SNX3: variants seen among roughly 807,000 people sequenced by gnomAD.
SNX3 encodes sorting nexin-3.
A neutral mutation model predicts 17.7 loss-of-function variants in SNX3; 5 were observed. The observed-to-expected ratio is 0.28, with a 90% CI of 0.15 to 0.59. The LOEUF is 0.59. Ranked by LOEUF, SNX3 falls within the 20% of genes least tolerant of loss-of-function variation. The pLI is 0.88. For synonymous variants in SNX3, 91 were observed against 76.5 expected, an observed-to-expected ratio of 1.19 and a Z score of -0.99; for missense variants, 132 against 206.8, an observed-to-expected ratio of 0.64 and a Z score of 2.22.
In SNX3 at chr6:108,260,966, C is replaced by A. The variant is rs1281292904; in HGVS notation, c.-45G>T. The stretch of plus-strand genomic sequence containing the variant: ...CCGCCGCGGGCTCCCTCCGCCCCCT[C>A]CGCGTTCAGCCGCCGCCGCCGCCGC... On this transcript the variant is annotated 5_prime_UTR_variant, in exon 1 of 4. Coordinates refer to ENST00000230085, the MANE Select transcript of SNX3 (RefSeq NM_003795.6). The A allele has an allele frequency of 1.4e-6, 2 of 1,451,596 alleles. No homozygotes were observed. The highest frequency in any genetic ancestry group is 1.8e-6 in the Non-Finnish European group (2 of 1,107,968). The allele number at this position is 1,451,596 out of a possible 1,614,324, so 89.9% of individuals were successfully genotyped here.
chr6:108,231,281 T>G (rs1225221278), intron 1 of SNX3, among the ~76,000 whole-genome samples: 1 of 152,154 alleles, frequency 6.6e-6, no homozygotes, highest in African/African-American at 2.4e-5. Context: ...GAGACGGGGT[T>G]TCACCATGTT....
At chr6:108,215,937 T>C (rs531206786) in intron 2 of SNX3, among the ~76,000 whole-genome samples, 3 of 151,916 alleles carry the variant, frequency 2.0e-5, no homozygotes, top group African/African-American at 7.3e-5. Context: ...AAAAAAAAAA[T>C]AAATTTTTAA....
At chr6:108,242,601 AC>A (rs1016002685) in intron 1 of SNX3, among the ~76,000 whole-genome samples, 9 of 152,112 alleles carry the variant, frequency 5.9e-5, no homozygotes, top group African/African-American at 1.9e-4. Context: ...TAAAATTGCC[AC>A]CCCTTGGCAT....
intron 1 of SNX3, among the ~76,000 whole-genome samples, chr6:108,239,007 T>G (rs540475714): frequency 1.3e-5 from 2 of 151,944 alleles, no homozygotes; most frequent in Non-Finnish European, 2.9e-5. Context: ...TTCAAGCGAT[T>G]TTCCTATGTC....
chr6:108,225,081 G>C (rs1562423830), intron 1 of SNX3, among the ~76,000 whole-genome samples: 1 of 152,096 alleles, frequency 6.6e-6, no homozygotes, highest in East Asian at 1.9e-4. Context: ...AGGAGATCGA[G>C]ACCATCCTGG....
intron 1 of SNX3, among the ~76,000 whole-genome samples, chr6:108,255,789 A>G (rs1022898230): frequency 3.3e-5 from 5 of 152,248 alleles, no homozygotes; most frequent in South Asian, 4.1e-4. Context: ...TTAAGATTAG[A>G]TGACTGACCC....
At chr6:108,214,964 T>C (rs1774520436) in intron 2 of SNX3, among the ~76,000 whole-genome samples, 1 of 152,222 alleles carries the variant, frequency 6.6e-6, no homozygotes, top group Admixed American at 6.5e-5. Context: ...GAGAAGGCAA[T>C]GCCTTATTGC....
At position 108,222,994 on chromosome 6, in the gene SNX3, T is replaced by C; in HGVS notation, c.214A>G (p.Ser72Gly). Residue 72 changes from serine (S) to glycine (G), a missense_variant, in exon 2 of 4, where the codon AGT (serine) becomes GGT (glycine). Physicochemically the swap from Ser to Gly is moderately conservative, Grantham distance 56. This residue lies in a region of SNX3 where 54 missense variants were observed against 118.0 expected (regional missense o/e 0.46). Transcript: ENST00000230085. ...TCACTTCGCAGCCATTCAAAGTCAC[T>C]GTATCTTCTTCTAACAGTAGATTCT... ...LKESTVRRRY[S>G]DFEWLRSELE... The C allele has an allele frequency of 6.2e-7, 1 of 1,610,114 alleles. No individual in the cohort carries two copies.
chr6:108,235,662 G>A (rs1343541597), intron 1 of SNX3, among the ~76,000 whole-genome samples: 2 of 152,150 alleles, frequency 1.3e-5, no homozygotes, highest in African/African-American at 4.8e-5. Context: ...TTGGGATGCC[G>A]AGGTGGGTGA....
At chr6:108,249,332 G>A (rs1389416931) in intron 1 of SNX3, among the ~76,000 whole-genome samples, 2 of 152,192 alleles carry the variant, frequency 1.3e-5, no homozygotes, top group Non-Finnish European at 2.9e-5. Context: ...TGAAGCAGGA[G>A]AATTGCTTGA....
rs565251125 is a variant in SNX3, at chr6:108,244,450, T to A, written c.162+16310A>T. On this transcript the variant is annotated intron_variant, in intron 1 of 3. Coordinates refer to ENST00000230085, the MANE Select transcript of SNX3 (RefSeq NM_003795.6). Reference sequence around the variant, plus strand: ...CATTACAGGAGATAGCCACTGTACCTGGCCCCTCCATACTGTTTGTTTCCA... The same window carrying A: ...CATTACAGGAGATAGCCACTGTACCAGGCCCCTCCATACTGTTTGTTTCCA... Among the ~76,000 whole-genome samples, 3 of 152,206 alleles carry A rather than the reference T, an allele frequency of 2.0e-5. No individual in the cohort carries two copies. The South Asian group carries it at 6.2e-4, about 32-fold the overall frequency.
At chr6:108,221,329 G>T (rs1304984259) in intron 2 of SNX3, among the ~76,000 whole-genome samples, 1 of 149,568 alleles carries the variant, frequency 6.7e-6, no homozygotes, top group Non-Finnish European at 1.5e-5. Flanking sequence ...TATTTTTCCT[G>T]CCTTCTCTTC....
intron 1 of SNX3, among the ~76,000 whole-genome samples, chr6:108,251,133 C>T (rs935433038): frequency 6.6e-6 from 1 of 152,160 alleles, no homozygotes; most frequent in East Asian, 1.9e-4. Context: ...AAGGTATACC[C>T]CTATCAGATA....
rs1220631990 is a variant in SNX3, at chr6:108,212,091, T to A, written c.*58A>T. 1.1e-6 allele frequency: 1 copy of A among 885,572 alleles called. No homozygotes were observed. Among genetic ancestry groups the A allele is most frequent in the African/African-American group, 1.7e-5 (1 of 58,628 alleles). 54.9% of individuals were successfully genotyped at this position (885,572 alleles called of 1,614,324 possible). A position where few individuals can be genotyped will look rare whatever the true frequency, so the allele number is the denominator to read the frequency against. On this transcript the variant is annotated 3_prime_UTR_variant, in exon 4 of 4. Transcript: ENST00000230085. Reference sequence around the variant, plus strand: ...GTGCAGCATGCTAAAAGTTAGAACTTCTTCACTGGTGCTTATCAATCATTA... The same window carrying A: ...GTGCAGCATGCTAAAAGTTAGAACTACTTCACTGGTGCTTATCAATCATTA...
intron 1 of SNX3, among the ~76,000 whole-genome samples, chr6:108,230,466 T>C (rs1025098408): frequency 8.5e-5 from 13 of 152,182 alleles, no homozygotes; most frequent in Admixed American, 7.9e-4. Flanking sequence ...TCAGCCGATG[T>C]GGGCACAGTG....
chr6:108,224,033 T>C (rs1270844182), intron 1 of SNX3, among the ~76,000 whole-genome samples: 1 of 152,208 alleles, frequency 6.6e-6, no homozygotes, highest in Non-Finnish European at 1.5e-5. Context: ...GAAATATACC[T>C]TACCTTTTAA....
At chr6:108,231,437 G>C (rs1179655409) in intron 1 of SNX3, among the ~76,000 whole-genome samples, 1 of 151,862 alleles carries the variant, frequency 6.6e-6, no homozygotes, top group Non-Finnish European at 1.5e-5. Flanking sequence ...CCCCTGTCTT[G>C]TTGTCATTCA....
intron 1 of SNX3, among the ~76,000 whole-genome samples, chr6:108,253,743 GTCTA>G (rs1055345522): frequency 2.0e-5 from 3 of 152,100 alleles, no homozygotes; most frequent in African/African-American, 4.8e-5. Flanking sequence ...CTTCTCTACT[GTCTA>G]TCTATCTCAG....
intron 1 of SNX3, among the ~76,000 whole-genome samples, chr6:108,246,313 CTTTTTTTTTTTT>C (rs71015538): frequency 0.12 from 5,939 of 48,402 alleles, 259 homozygotes; most frequent in South Asian, 0.37. Context: ...TTTGAGCATT[CTTTTTTTTTTTT>C]TTTTTTTTTT....
Sources: gnomAD v4.1 joint callset for allele counts (sites outside exome capture counted in the v4.1 genomes callset) on GRCh38, gnomAD v4.1.1 for gene constraint, gnomAD v4.1.1 regional missense constraint, MANE v1.5 for transcripts, NCBI Gene and HGNC (gene_info 2026-07-23, HGNC 2026-07-21) for gene names.